Variants in ZNF816 observed in about 807,000 individuals in gnomAD.
The protein encoded by ZNF816 is zinc finger protein 816.
ZNF816 carries 11 observed loss-of-function variants against 8.3 expected under a neutral mutation model. The observed-to-expected ratio is 1.32, with a 90% confidence interval of 0.83 to 2.19. The LOEUF (loss-of-function observed/expected upper bound fraction) is 2.19, where lower values mean the gene tolerates loss of function less well. ZNF816 is among the 30% of genes most tolerant of loss of function. The pLI is 0.00. For synonymous variants in ZNF816, 255 were observed against 254.5 expected, an observed-to-expected ratio of 1.00 and a Z score of -0.02; for missense variants, 710 against 779.3, an observed-to-expected ratio of 0.91 and a Z score of 1.06.
Position 52,950,387 on chromosome 19 carries a change from C to A in ZNF816, c.1388G>T (p.Ser463Ile). ...YKCNKCGRSF[S>I]RKSSLQYHHT... ...ATGGTATTGAAGGGATGACTTCCGA[C>A]TGAAACTCCTGCCACATTTATTACA... is the stretch of plus-strand genomic sequence containing the variant. Residue 463 changes from serine to isoleucine, a missense_variant, in exon 4 of 4, where the codon AGT becomes ATT. Coordinates refer to ENST00000444460, the MANE Select transcript of ZNF816 (RefSeq NM_001202457.3). 5.0e-6 allele frequency: 8 copies of A among 1,612,736 alleles called. No individual in the cohort carries two copies. Among genetic ancestry groups the A allele is most frequent in the African/African-American group, 1.3e-5 (1 of 74,592 alleles).
intron 1 of ZNF816, among the ~76,000 whole-genome samples, chr19:52,962,111 A>G (rs563500142): frequency 2.6e-5 from 4 of 152,174 alleles, no homozygotes; most frequent in South Asian, 2.1e-4. Context: ...TCTAAATTAC[A>G]GACTGCCTAG....
Position 52,951,126 on chromosome 19 carries a change from TGAATGAA to T in ZNF816, c.642_648del (p.Ser215HisfsTer8). 2 of 1,614,082 alleles carry T rather than the reference TGAATGAA, an allele frequency of 1.2e-6. No individual in the cohort carries two copies. Among genetic ancestry groups the T allele is most frequent in the Non-Finnish European group, 8.5e-7 (1 of 1,180,012 alleles). ...CTCATGCATATTTCCTGTATTTGTG[TGAATGAA>T]GAATGGAGGAAATTCTTCCCATACT... On this transcript the variant is annotated frameshift_variant, in exon 4 of 4. Coordinates refer to ENST00000444460, the MANE Select transcript of ZNF816 (RefSeq NM_001202457.3). LOFTEE classifies it low-confidence loss of function (END_TRUNC).
chr19:52,962,424 T>C (rs1310684979), intron 1 of ZNF816, among the ~76,000 whole-genome samples: 1 of 151,682 alleles, frequency 6.6e-6, no homozygotes, highest in African/African-American at 2.4e-5. Context: ...ACGTCTCAGA[T>C]GGAAAGGGAA....
Position 52,950,884 on chromosome 19 carries a change from C to T in ZNF816, c.891G>A (p.Met297Ile). ...GTCTACGATGGCATACAAGGGATGA[C>T]ATCTGAGTGAAGGTCTTCCCACACT... ...CNECGKTFTQ[M>I]SSLVCHRRLH... The change falls in exon 4 of 4, where the codon ATG (methionine) becomes ATA (isoleucine). Residue 297 changes from methionine to isoleucine, a missense_variant. Coordinates refer to ENST00000444460, the MANE Select transcript of ZNF816 (RefSeq NM_001202457.3). The T allele has an allele frequency of 1.2e-6, 2 of 1,613,916 alleles. No individual in the cohort carries two copies. Among genetic ancestry groups the T allele is most frequent in the Non-Finnish European group, 1.7e-6 (2 of 1,179,994 alleles).
intron 2 of ZNF816, among the ~76,000 whole-genome samples, chr19:52,953,676 T>C (rs1229971606): frequency 1.4e-5 from 2 of 140,794 alleles, no homozygotes; most frequent in African/African-American, 5.2e-5. Flanking sequence ...ATATATTATA[T>C]ATAATATTGT....
chr19:52,956,236 T>C lies in ZNF816; in HGVS notation c.-15-132A>G, dbSNP rs560780504. The C allele has an allele frequency of 6.1e-5, 62 of 1,015,136 alleles. 2 individuals carry two copies. The South Asian group carries it at 9.9e-4, about 16-fold the overall frequency. 62.9% of individuals were successfully genotyped at this position (1,015,136 alleles called of 1,614,324 possible). A position where few individuals can be genotyped will look rare whatever the true frequency, so the allele number is the denominator to read the frequency against. On this transcript the variant is annotated intron_variant, in intron 1 of 3. Transcript: ENST00000444460. Reference sequence around the variant, plus strand: ...TTGCTACCCACTGCACCAGAGACCATGCAGAGATAAGAAAGTTCCACAGGA... The same window carrying C: ...TTGCTACCCACTGCACCAGAGACCACGCAGAGATAAGAAAGTTCCACAGGA...
intron 3 of ZNF816, 98 bp downstream of exon 3, chr19:52,952,653 G>A: frequency 2.5e-6 from 4 of 1,586,402 alleles, no homozygotes; most frequent in Non-Finnish European, 3.4e-6. Flanking sequence ...TACATCAAAA[G>A]CATGTATGGG....
intron 3 of ZNF816, among the ~76,000 whole-genome samples, chr19:52,952,129 G>A (rs1168082813): frequency 2.0e-5 from 3 of 152,250 alleles, no homozygotes; most frequent in South Asian, 2.1e-4. Context: ...CCAACACTTC[G>A]AGGCTGAGGT....
At chr19:52,961,869 C>A (rs1344661514) in intron 1 of ZNF816, among the ~76,000 whole-genome samples, 1 of 152,094 alleles carries the variant, frequency 6.6e-6, no homozygotes, top group African/African-American at 2.4e-5. Flanking sequence ...GAGTTGGTGC[C>A]CACTGATCCA....
Position 52,960,630 on chromosome 19 carries a change from C to G in ZNF816, c.-16+2097G>C, listed in dbSNP as rs137987689. On this transcript the variant is annotated intron_variant, in intron 1 of 3. Transcript: ENST00000444460. ...AGGTAAATGAGAGATGCCCCATTAG[C>G]TTATTCTCCCCAGTTCACTCTTTCT... 2.6e-5 allele frequency among the ~76,000 whole-genome samples: 4 copies of G among 152,304 alleles called. No homozygotes were observed. In the East Asian group the frequency reaches 7.7e-4, roughly 29 times the overall value.
At chr19:52,953,324 C>T (rs868386882) in intron 2 of ZNF816, 6 of 337,334 alleles carry the variant, frequency 1.8e-5, no homozygotes, top group Non-Finnish European at 2.4e-5. Flanking sequence ...GAACAAGAGA[C>T]GAATGTTGCA....
At chr19:52,954,386 C>A (rs930131459) in intron 2 of ZNF816, among the ~76,000 whole-genome samples, 4 of 151,862 alleles carry the variant, frequency 2.6e-5, no homozygotes, top group East Asian at 1.9e-4. Context: ...ACAACAACAA[C>A]AAAAAAGAAA....
intron 1 of ZNF816, among the ~76,000 whole-genome samples, chr19:52,960,883 G>T (rs146404860): frequency 6.6e-6 from 1 of 152,176 alleles, no homozygotes; most frequent in Admixed American, 6.5e-5. Context: ...GACAAGCCCT[G>T]CTCCAGTCAC....
At position 52,951,515 on chromosome 19, in the gene ZNF816, G is replaced by A; in HGVS notation, c.260C>T (p.Thr87Ile). 1.2e-6 allele frequency: 2 copies of A among 1,610,524 alleles called. No individual in the cohort carries two copies. The highest frequency in any genetic ancestry group is 2.2e-5 in the South Asian group (2 of 90,458). Residue 87 changes from threonine (T) to isoleucine (I), a missense_variant, in exon 4 of 4, where the codon ACA becomes ATA. Thr to Ile is a moderately conservative substitution (Grantham distance 89). Coordinates refer to ENST00000444460, the MANE Select transcript of ZNF816 (RefSeq NM_001202457.3). ...ACTTTTATGTCTTTGCAACGTCCCT[G>A]TGTGGATCACTTCTCCTGTAATACT... ...RHSITGEVIHTGTLQRHKSHH... is the reference protein window; with the variant it reads ...RHSITGEVIHIGTLQRHKSHH...
chr19:52,959,871 CAT>C lies in ZNF816; in HGVS notation c.-16+2854_-16+2855del, dbSNP rs143989260. On this transcript the variant is annotated intron_variant, in intron 1 of 3. Coordinates refer to ENST00000444460, the MANE Select transcript of ZNF816 (RefSeq NM_001202457.3). The stretch of plus-strand genomic sequence containing the variant: ...GCTGACTCAGAAGCTCGAAAAGCAA[CAT>C]CCACACCCTACTGGGCATCAGTCAC... Among the ~76,000 whole-genome samples, 1,114 of 152,306 alleles carry C rather than the reference CAT, an allele frequency of 7.3e-3. 20 individuals carry two copies. Among genetic ancestry groups the C allele is most frequent in the African/African-American group, 0.025 (1,059 of 41,552 alleles).
At position 52,950,665 on chromosome 19, in the gene ZNF816, C is replaced by G; in HGVS notation, c.1110G>C (p.Lys370Asn). The G allele has an allele frequency of 1.9e-6, 3 of 1,613,922 alleles. No homozygotes were observed. Among genetic ancestry groups the G allele is most frequent in the Non-Finnish European group, 2.5e-6 (3 of 1,179,962 alleles). Residue 370 changes from lysine to asparagine, a missense_variant, in exon 4 of 4, where the codon AAG becomes AAC. Physicochemically the swap from Lys to Asn is moderately conservative, Grantham distance 94. Transcript: ENST00000444460. The stretch of plus-strand genomic sequence containing the variant: ...TGAAGGTCTTGCCACACTCATTACA[C>G]TTGTAAGGTTTCTCTCCAGTATGAA... The part of the protein sequence containing the change: ...KAIHTGEKPY[K>N]CNECGKTFSQ...
intron 1 of ZNF816, among the ~76,000 whole-genome samples, chr19:52,961,760 C>G (rs1221247969): frequency 6.6e-6 from 1 of 152,200 alleles, no homozygotes; most frequent in African/African-American, 2.4e-5. Flanking sequence ...GAACTTGTTT[C>G]TCCAGTTAAC....
chr19:52,954,374 AAAC>A (rs1437438024), intron 2 of ZNF816, among the ~76,000 whole-genome samples: 1 of 149,992 alleles, frequency 6.7e-6, no homozygotes, highest in Non-Finnish European at 1.5e-5. Flanking sequence ...AAAAACAAAC[AAAC>A]AACAACAACA....
intron 2 of ZNF816, chr19:52,953,414 A>G (rs758251594): frequency 1.2e-5 from 2 of 166,556 alleles, no homozygotes; most frequent in South Asian, 1.8e-4. Flanking sequence ...GAAAAAAAAT[A>G]TATATATACA....
Sources: allele counts gnomAD v4.1 joint callset (sites outside exome capture counted in the v4.1 genomes callset), GRCh38; gene constraint gnomAD v4.1.1; transcripts MANE v1.5; gene names NCBI Gene and HGNC (gene_info 2026-07-23, HGNC 2026-07-21).